The following OTOP1 variants were observed in gnomAD, a reference collection of about 807,000 sequenced individuals.
OTOP1 encodes proton channel OTOP1.
Under a neutral mutation model 52.9 loss-of-function variants are expected in OTOP1, and 59 were observed. That is an observed-to-expected ratio of 1.12 (90% CI 0.91 to 1.39). OTOP1 has a LOEUF of 1.39. Ranked by LOEUF, OTOP1 falls within the 40% of genes most tolerant of loss-of-function variation. The probability of loss-of-function intolerance (pLI) is 0.00; values close to 1 mark genes in which losing one functional copy is unlikely to be tolerated. For synonymous variants in OTOP1, 317 were observed against 337.7 expected, an observed-to-expected ratio of 0.94 and a Z score of 0.67; for missense variants, 761 against 800.9, an observed-to-expected ratio of 0.95 and a Z score of 0.60.
chr4:4,224,585 G>C (rs1385680444), intron 1 of OTOP1, among the ~76,000 whole-genome samples: 1 of 152,156 alleles, frequency 6.6e-6, no homozygotes, highest in Admixed American at 6.5e-5. Context: ...TTTGTGCCTT[G>C]TTTTAAATAG....
intron 2 of OTOP1, among the ~76,000 whole-genome samples, chr4:4,211,118 T>G (rs1214775888): frequency 6.6e-6 from 1 of 152,206 alleles, no homozygotes; most frequent in Non-Finnish European, 1.5e-5. Flanking sequence ...ATGTTCTGTC[T>G]GTTAGCTTCA....
At chr4:4,204,450 T>C (rs1716853262) in intron 3 of OTOP1, among the ~76,000 whole-genome samples, 1 of 152,142 alleles carries the variant, frequency 6.6e-6, no homozygotes, top group Non-Finnish European at 1.5e-5. Flanking sequence ...CTGGTCCAAA[T>C]GGCACTGTCC....
At chr4:4,211,308 A>G (rs1364551662) in intron 2 of OTOP1, among the ~76,000 whole-genome samples, 1 of 152,244 alleles carries the variant, frequency 6.6e-6, no homozygotes, top group Non-Finnish European at 1.5e-5. Context: ...CTGGAAATCC[A>G]AAAATATTTC....
chr4:4,208,529 A>C (rs1716957098), intron 2 of OTOP1, among the ~76,000 whole-genome samples: 3 of 152,242 alleles, frequency 2.0e-5, no homozygotes, highest in South Asian at 4.1e-4. Flanking sequence ...AGACACAAGA[A>C]GACCAATACT....
chr4:4,216,724 A>C (rs758692321), intron 1 of OTOP1, among the ~76,000 whole-genome samples: 3 of 152,226 alleles, frequency 2.0e-5, no homozygotes, highest in Non-Finnish European at 4.4e-5. Context: ...ATTACAAAAA[A>C]ACATAGCAAG....
At chr4:4,211,916 A>G (rs550060692) in intron 2 of OTOP1, among the ~76,000 whole-genome samples, 2 of 152,334 alleles carry the variant, frequency 1.3e-5, no homozygotes, top group East Asian at 3.9e-4. Flanking sequence ...CGTGAAGACT[A>G]TAGTTAATAA....
At chr4:4,209,341 C>T (rs1410895391) in intron 2 of OTOP1, among the ~76,000 whole-genome samples, 1 of 151,782 alleles carries the variant, frequency 6.6e-6, no homozygotes, top group Non-Finnish European at 1.5e-5. Flanking sequence ...CATATATATA[C>T]TTTTTTCCAT....
intron 5 of OTOP1, among the ~76,000 whole-genome samples, chr4:4,191,917 AGAGGGAGACAGG>A (rs903663342): frequency 5.2e-4 from 79 of 152,282 alleles, no homozygotes; most frequent in African/African-American, 1.9e-3. Context: ...AGAGGAAGGG[AGAGGGAGACAGG>A]GAGGAAAAAT....
At chr4:4,219,342 T>C (rs960401669) in intron 1 of OTOP1, among the ~76,000 whole-genome samples, 25 of 152,084 alleles carry the variant, frequency 1.6e-4, no homozygotes, top group African/African-American at 6.0e-4. Flanking sequence ...TATCAGACCG[T>C]ATGGGATTTA....
intron 2 of OTOP1, 29 bp downstream of exon 2, chr4:4,212,839 G>C (rs1338406243): frequency 1.2e-6 from 2 of 1,612,280 alleles, no homozygotes; most frequent in South Asian, 2.2e-5. Flanking sequence ...ATAGGAATGA[G>C]ACAATATAAA....
At chr4:4,202,695 C>T in intron 3 of OTOP1, 117 bp from the exon 4 acceptor site, 1 of 1,363,876 alleles carries the variant, frequency 7.3e-7, no homozygotes, top group Non-Finnish European at 1.0e-6. Context: ...ATTCTGGTTT[C>T]ACCTGGCAGT....
chr4:4,212,780 G>A (rs1717053314), intron 2 of OTOP1, 88 bp downstream of exon 2: 2 of 1,455,834 alleles, frequency 1.4e-6, no homozygotes, highest in Admixed American at 3.4e-5. Context: ...GTCTCCACCT[G>A]CCACACGTCT....
intron 2 of OTOP1, among the ~76,000 whole-genome samples, chr4:4,211,446 G>A (rs932119441): frequency 2.0e-5 from 3 of 151,588 alleles, no homozygotes; most frequent in Non-Finnish European, 4.4e-5. Flanking sequence ...CAACTTCTTC[G>A]TTAGAAAAAA....
intron 4 of OTOP1, among the ~76,000 whole-genome samples, chr4:4,200,544 T>G (rs1197133098): frequency 6.6e-6 from 1 of 151,072 alleles, no homozygotes; most frequent in Non-Finnish European, 1.5e-5. Flanking sequence ...ACTATGAAAT[T>G]TTCTTTTTCT....
chr4:4,220,105 A>ATATATTTTTTTT (rs1434375771), intron 1 of OTOP1, among the ~76,000 whole-genome samples: 3 of 59,396 alleles, frequency 5.1e-5, no homozygotes, highest in African/African-American at 1.0e-4. Context: ...ATATATATAT[A>ATATATTTTTTTT]TTTTTTTTTT....
intron 1 of OTOP1, among the ~76,000 whole-genome samples, chr4:4,213,614 G>T (rs1717071392): frequency 6.6e-6 from 1 of 152,072 alleles, no homozygotes; most frequent in Non-Finnish European, 1.5e-5. Context: ...TGTCGTCATG[G>T]CTCATCCATA....
chr4:4,193,141 C>T (rs1716549763), intron 5 of OTOP1, among the ~76,000 whole-genome samples: 1 of 152,170 alleles, frequency 6.6e-6, no homozygotes, highest in African/African-American at 2.4e-5. Flanking sequence ...AGGATAGAGT[C>T]TTGGCTCGCA....
Position 4,201,837 on chromosome 4 carries a change from C to T in OTOP1, c.730+611G>A, listed in dbSNP as rs535413982. Among the ~76,000 whole-genome samples, 17 of 152,210 alleles carry T rather than the reference C, an allele frequency of 1.1e-4. No homozygotes were observed. In the South Asian group the frequency reaches 3.5e-3, roughly 32 times the overall value. On this transcript the variant is annotated intron_variant, in intron 4 of 5. Coordinates refer to ENST00000296358, the MANE Select transcript of OTOP1 (RefSeq NM_177998.3). Reference sequence around the variant, plus strand: ...AAACCTGAGACACCCAGTTCCCTGCCCCACATTCCCCTCAGCCTGAATGTT... The same window carrying T: ...AAACCTGAGACACCCAGTTCCCTGCTCCACATTCCCCTCAGCCTGAATGTT...
intron 3 of OTOP1, among the ~76,000 whole-genome samples, chr4:4,205,753 G>T (rs535605372): frequency 3.3e-5 from 5 of 152,162 alleles, no homozygotes; most frequent in Non-Finnish European, 7.4e-5. Context: ...AACTTATGAC[G>T]GTTAAAAAAA....
Sources: allele counts gnomAD v4.1 joint callset (sites outside exome capture counted in the v4.1 genomes callset), GRCh38; gene constraint gnomAD v4.1.1; transcripts MANE v1.5; gene names NCBI Gene and HGNC (gene_info 2026-07-23, HGNC 2026-07-21).